FMNL3: variants seen among roughly 807,000 people sequenced by gnomAD.
FMNL3 encodes the protein formin like 3.
Under a neutral mutation model 119.6 loss-of-function variants are expected in FMNL3, and 57 were observed. The ratio of observed to expected loss-of-function variants is 0.48; its 90% CI spans 0.39 to 0.59. The LOEUF is 0.59. FMNL3 is among the 20% of genes least tolerant of loss of function. The pLI is 0.00. For missense variants in FMNL3, 1,053 were observed against 1,323.5 expected (o/e 0.80, Z 3.17); for synonymous variants, 491 against 507.3 (o/e 0.97, Z 0.43).
At position 49,707,137 on chromosome 12, in the gene FMNL3, G is replaced by T. The variant is rs569327580; in HGVS notation, c.44C>A (p.Pro15His). Residue 15 changes from proline (P) to histidine (H), a missense_variant, in exon 1 of 26, where the codon CCC becomes CAC. Physicochemically the swap from Pro to His is moderately conservative, Grantham distance 77. Around this residue, in one of 4 missense-constraint regions of FMNL3, gnomAD observed 264 missense variants for 265.5 expected, o/e 0.99. Coordinates refer to ENST00000335154, the MANE Select transcript of FMNL3 (RefSeq NM_175736.5). ...GGGCGGCAGCAACAACGGGACAGAG[G>T]GGGGCTCTCCCGGGACCCCCTCGGC... Reference protein sequence around the residue: ...ESAEGVPGEPPSVPLLLPPGK... With the variant: ...ESAEGVPGEPHSVPLLLPPGK... 54 of 1,600,232 alleles carry T rather than the reference G, an allele frequency of 3.4e-5. No individual in the cohort carries two copies. The African/African-American group carries it at 3.6e-4, about 11-fold the overall frequency.
chr12:49,670,203 G>A (rs946886931), intron 1 of FMNL3, among the ~76,000 whole-genome samples: 1 of 152,240 alleles, frequency 6.6e-6, no homozygotes, highest in African/African-American at 2.4e-5. Flanking sequence ...TCCCTGAGGA[G>A]TCACATAGGC....
rs1425706288 is a variant in FMNL3 at position 49,645,617 on chromosome 12, G to C, written c.*198C>G. Reference sequence around the variant, plus strand: ...TGAAGTCAAAGACCTTGGGGGCAAAGTGCAGTACTGGAAGCACCAGGGACC... The same window carrying C: ...TGAAGTCAAAGACCTTGGGGGCAAACTGCAGTACTGGAAGCACCAGGGACC... On this transcript the variant is annotated 3_prime_UTR_variant, in exon 26 of 26. Transcript: ENST00000335154. 1.6e-4 allele frequency: 85 copies of C among 541,080 alleles called. No individual in the cohort carries two copies. In the East Asian group the frequency reaches 2.9e-3, roughly 18 times the overall value. The allele number at this position is 541,080 out of a possible 1,614,324, so 33.5% of individuals were successfully genotyped here.
chr12:49,704,638 G>A (rs1227859191), intron 1 of FMNL3, among the ~76,000 whole-genome samples: 3 of 150,514 alleles, frequency 2.0e-5, no homozygotes, highest in African/African-American at 7.3e-5. Context: ...TTGAACCCGG[G>A]AGGCTGAGTT....
At chr12:49,705,807 A>G (rs1945033351) in intron 1 of FMNL3, among the ~76,000 whole-genome samples, 1 of 152,196 alleles carries the variant, frequency 6.6e-6, no homozygotes, top group African/African-American at 2.4e-5. Flanking sequence ...CCCTTGGAAC[A>G]CTGTGGACCC....
Position 49,643,772 on chromosome 12 carries a change from C to T in FMNL3, c.*2043G>A. On this transcript the variant is annotated 3_prime_UTR_variant, in exon 26 of 26. Coordinates refer to ENST00000335154, the MANE Select transcript of FMNL3 (RefSeq NM_175736.5). ...AAGTCGGTGAGTGAAGGAACTTCTA[C>T]CTAAGCCCCTGCTATTTTGTGAGTT... 1 of 1,613,814 alleles carries T rather than the reference C, an allele frequency of 6.2e-7. No homozygotes were observed. The highest frequency in any genetic ancestry group is 8.5e-7 in the Non-Finnish European group (1 of 1,179,942).
Position 49,657,065 on chromosome 12 carries a change from T to C in FMNL3, c.714+17A>G, listed in dbSNP as rs921067150. 1.2e-6 allele frequency: 2 copies of C among 1,607,366 alleles called. No homozygotes were observed. Among genetic ancestry groups the C allele is most frequent in the African/African-American group, 2.7e-5 (2 of 74,788 alleles). ...GCAGAAGAAGTAGAGCACCTATGGC[T>C]AGTGCTTCCCCCTTACCTGATAGTT... On this transcript the variant is annotated intron_variant, in intron 7 of 25. Transcript: ENST00000335154.
At chr12:49,706,930 G>T in intron 1 of FMNL3, 125 bp downstream of exon 1, 1 of 1,161,694 alleles carries the variant, frequency 8.6e-7, no homozygotes, top group Non-Finnish European at 1.2e-6. Context: ...GACACTGGAG[G>T]CCGGGATCCG....
At chr12:49,664,164 G>A (rs1027230749) in intron 4 of FMNL3, among the ~76,000 whole-genome samples, 2 of 152,240 alleles carry the variant, frequency 1.3e-5, no homozygotes, top group Non-Finnish European at 2.9e-5. Context: ...AGAATGGCTT[G>A]AGCCTGGGAG....
At position 49,637,816 on chromosome 12, in the gene FMNL3, A is replaced by C; in HGVS notation, c.*7999T>G. 6.2e-7 allele frequency: 1 copy of C among 1,606,050 alleles called. No homozygotes were observed. Among genetic ancestry groups the C allele is most frequent in the Non-Finnish European group, 8.5e-7 (1 of 1,172,938 alleles). On this transcript the variant is annotated 3_prime_UTR_variant, in exon 26 of 26. Coordinates refer to ENST00000335154, the MANE Select transcript of FMNL3 (RefSeq NM_175736.5). Reference sequence around the variant, plus strand: ...TGATGAAAAGAAGATCATTAAGGACATCCTTAAGGTGAGGGAGGCTGGGGT... The same window carrying C: ...TGATGAAAAGAAGATCATTAAGGACCTCCTTAAGGTGAGGGAGGCTGGGGT...
intron 1 of FMNL3, among the ~76,000 whole-genome samples, chr12:49,695,090 A>T (rs1944716949): frequency 6.6e-6 from 1 of 152,028 alleles, no homozygotes; most frequent in South Asian, 2.1e-4. Context: ...AGTCCCAGCT[A>T]CTCCAAAGGA....
intron 17 of FMNL3, 117 bp downstream of exon 17, chr12:49,650,558 AG>A: frequency 8.9e-7 from 1 of 1,129,064 alleles, no homozygotes. Flanking sequence ...GTGGATGACT[AG>A]GGGGATGTGA....
chr12:49,653,992 T>C (rs1372726932), intron 11 of FMNL3, 118 bp from the exon 12 acceptor site: 4 of 1,400,260 alleles, frequency 2.9e-6, no homozygotes, highest in East Asian at 5.0e-5. Context: ...GAGTTCCTGC[T>C]GCAGGCCATG....
intron 1 of FMNL3, among the ~76,000 whole-genome samples, chr12:49,670,685 A>G (rs1944021855): frequency 6.6e-6 from 1 of 152,226 alleles, no homozygotes; most frequent in Non-Finnish European, 1.5e-5. Flanking sequence ...CTTCCACAGG[A>G]AAGTGAGGCT....
rs1358964553 is a variant in FMNL3, at chr12:49,645,039, CA to C, written c.*775del. 4 of 142,572 alleles carry C rather than the reference CA, an allele frequency of 2.8e-5. No individual in the cohort carries two copies. Among genetic ancestry groups the C allele is most frequent in the African/African-American group, 1.1e-4 (4 of 36,694 alleles). The allele number at this position is 142,572 out of a possible 1,614,324, so 8.8% of individuals were successfully genotyped here. ...AAAAGTGGGCCCCCACATTCCCTTC[CA>C]GGGGCAGAGGAGAAACGGGAAGGTA... On this transcript the variant is annotated 3_prime_UTR_variant, in exon 26 of 26. Coordinates refer to ENST00000335154, the MANE Select transcript of FMNL3 (RefSeq NM_175736.5).
Position 49,650,705 on chromosome 12 carries a change from C to T in FMNL3, c.1971G>A (p.Ser657=), listed in dbSNP as rs768623965. Residue 657 remains serine, a synonymous_variant, in exon 17 of 26, where the codon TCG becomes TCA. Coordinates refer to ENST00000335154, the MANE Select transcript of FMNL3 (RefSeq NM_175736.5). ...LAITLRKAGR[S]AEEICRAIHT... The stretch of plus-strand genomic sequence containing the variant: ...GAATGGCCCTGCAGATCTCCTCAGC[C>T]GAGCGGCCAGCCTTGCGTAGGGTGA... 3.1e-5 allele frequency: 50 copies of T among 1,613,702 alleles called. No individual in the cohort carries two copies. The highest frequency in any genetic ancestry group is 4.0e-5 in the Non-Finnish European group (47 of 1,180,046).
At position 49,647,186 on chromosome 12, in the gene FMNL3, C is replaced by G; in HGVS notation, c.2871+90G>C. The G allele has an allele frequency of 1.9e-6, 3 of 1,566,384 alleles. No individual in the cohort carries two copies. The highest frequency in any genetic ancestry group is 2.6e-6 in the Non-Finnish European group (3 of 1,142,864). On this transcript the variant is annotated intron_variant, in intron 24 of 25. Transcript: ENST00000335154. The surrounding 1 kb of genome is among the most constrained non-coding windows in gnomAD (Gnocchi z 4.9). ...TGGCCCTCTGGGTGGTCTGTCCACT[C>G]CAAGTTTTCATCTCCTCTAGCCTTC...
intron 1 of FMNL3, among the ~76,000 whole-genome samples, chr12:49,679,024 T>C (rs1462731344): frequency 6.6e-6 from 1 of 152,086 alleles, no homozygotes; most frequent in Non-Finnish European, 1.5e-5. Flanking sequence ...ATAACAATAA[T>C]AACACTACTA....
chr12:49,646,015 A>G, intron 25 of FMNL3, 112 bp from the exon 26 acceptor site: 1 of 856,112 alleles, frequency 1.2e-6, no homozygotes, highest in Non-Finnish European at 1.8e-6. Context: ...GAGGCAGATA[A>G]ACAGGAGGCT....
chr12:49,647,839 C>T lies in FMNL3; in HGVS notation c.2677-35G>A, dbSNP rs775075848. 6.6e-7 allele frequency: 1 copy of T among 1,513,594 alleles called. No homozygotes were observed. Among genetic ancestry groups the T allele is most frequent in the Non-Finnish European group, 9.2e-7 (1 of 1,089,686 alleles). The allele number at this position is 1,513,594 out of a possible 1,614,324, so 93.8% of individuals were successfully genotyped here. ...GGGTGGGCAGAATGGGTCACCCTGG[C>T]AGGAAGATCAGCCCAGCTCCCACAC... On this transcript the variant is annotated intron_variant, in intron 22 of 25. Coordinates refer to ENST00000335154, the MANE Select transcript of FMNL3 (RefSeq NM_175736.5). The surrounding 1 kb of genome is among the most constrained non-coding windows in gnomAD (Gnocchi z 4.9).
Sources: allele counts gnomAD v4.1 joint callset (sites outside exome capture counted in the v4.1 genomes callset), GRCh38; gene constraint gnomAD v4.1.1; regional missense constraint gnomAD v4.1.1; non-coding constraint Gnocchi (gnomAD v3.1); transcripts MANE v1.5; gene names NCBI Gene and HGNC (gene_info 2026-07-23, HGNC 2026-07-21).